Variants in PHKA1 observed in about 807,000 individuals in gnomAD.
PHKA1 encodes the protein phosphorylase kinase regulatory subunit alpha 1, also known as phosphorylase b kinase regulatory subunit alpha, skeletal muscle isoform.
A neutral mutation model predicts 110.2 loss-of-function variants in PHKA1; 60 were observed. That is an observed-to-expected ratio of 0.54 (90% confidence interval 0.44 to 0.68). PHKA1 has a LOEUF of 0.68. PHKA1 is among the 30% of genes least tolerant of loss of function. The pLI, the probability that PHKA1 is intolerant of heterozygous loss-of-function variation, is 0.00. For missense variants in PHKA1, 801 were observed against 942.5 expected, an observed-to-expected ratio of 0.85 and a Z score of 1.97; for synonymous variants, 316 against 333.6, an observed-to-expected ratio of 0.95 and a Z score of 0.58.
chrX:72,701,132 G>A (rs782450022), intron 3 of PHKA1, among the ~76,000 whole-genome samples: 2 of 112,226 alleles, frequency 1.8e-5, no homozygotes, highest in African/African-American at 3.2e-5. Context: ...CATTTGTAAC[G>A]GGACACAGTT....
At chrX:72,686,534 G>C (rs1008406226) in intron 4 of PHKA1, among the ~76,000 whole-genome samples, 6 of 112,030 alleles carry the variant, frequency 5.4e-5, no homozygotes, top group Non-Finnish European at 1.1e-4. Context: ...CCTACGGAAG[G>C]ACATTTCGGT....
At chrX:72,590,857 A>G (rs962678244) in intron 29 of PHKA1, among the ~76,000 whole-genome samples, 2 of 112,348 alleles carry the variant, frequency 1.8e-5, no homozygotes, top group Non-Finnish European at 3.8e-5. Flanking sequence ...CAAAACCACA[A>G]TGAGATACCA....
At chrX:72,641,981 A>C (rs1392825980) in intron 14 of PHKA1, among the ~76,000 whole-genome samples, 1 of 111,985 alleles carries the variant, frequency 8.9e-6, no homozygotes, top group Non-Finnish European at 1.9e-5. Context: ...TATGTCTTCC[A>C]TAGCATCTAG....
chrX:72,647,751 T>C (rs1207772969), intron 13 of PHKA1, among the ~76,000 whole-genome samples: 1 of 110,330 alleles, frequency 9.1e-6, no homozygotes, highest in Non-Finnish European at 1.9e-5. Context: ...AAGGTTGGAA[T>C]AGGAGGAGGC....
intron 4 of PHKA1, among the ~76,000 whole-genome samples, chrX:72,693,641 C>T (rs1556324290): frequency 1.8e-5 from 2 of 112,064 alleles, no homozygotes; most frequent in African/African-American, 6.5e-5. Context: ...TAATCAGGGC[C>T]TAGCATTCTC....
At chrX:72,684,256 T>C (rs1556318031) in intron 5 of PHKA1, among the ~76,000 whole-genome samples, 1 of 111,576 alleles carries the variant, frequency 9.0e-6, no homozygotes. Context: ...TACCATGAGA[T>C]ATCACAGAGT....
At chrX:72,675,705 T>C (rs2053771474) in intron 6 of PHKA1, among the ~76,000 whole-genome samples, 2 of 110,648 alleles carry the variant, frequency 1.8e-5, no homozygotes, top group African/African-American at 6.6e-5. Flanking sequence ...ATAAAGAGGA[T>C]AGAGGATTGA....
chrX:72,592,609 GT>G (rs1310004508), intron 29 of PHKA1, among the ~76,000 whole-genome samples: 1 of 112,360 alleles, frequency 8.9e-6, no homozygotes, highest in Non-Finnish European at 1.9e-5. Flanking sequence ...TTATTTAGTA[GT>G]TTTCATCCAA....
Position 72,666,253 on chromosome X carries a change from C to G in PHKA1, c.762G>C (p.Glu254Asp). ...SLLPRASTSK[E>D]VDASLLSVVS... is the part of the protein sequence containing the mutation. ...CCACTGAGAGTAGACTAGCATCAAC[C>G]TCTTTTGATGTTGAAGCACGGGGCA... The change falls in exon 8 of 32, where the codon GAG becomes GAC. Residue 254 changes from glutamate to aspartate, a missense_variant. Transcript: ENST00000373542. 2 of 1,208,174 alleles carry G rather than the reference C, an allele frequency of 1.7e-6. No homozygotes were observed. The highest frequency in any genetic ancestry group is 2.2e-6 in the Non-Finnish European group (2 of 892,290).
chrX:72,603,761 C>T lies in PHKA1; in HGVS notation c.2816-541G>A, dbSNP rs139438354. Among the ~76,000 whole-genome samples, 248 of 110,982 alleles carry T rather than the reference C, an allele frequency of 2.2e-3. 1 individual carries two copies. Among genetic ancestry groups the T allele is most frequent in the Non-Finnish European group, 3.8e-3 (199 of 52,925 alleles). On this transcript the variant is annotated intron_variant, in intron 25 of 31. Transcript: ENST00000373542. ...GTAACATTTGTGCAAGCAGGTATGA[C>T]GACATGATACCTAATCTTGAGTCTG...
chrX:72,611,265 A>G, intron 21 of PHKA1, 81 bp from the exon 22 acceptor site: 1 of 791,399 alleles, frequency 1.3e-6, no homozygotes, highest in Non-Finnish European at 1.9e-6. Flanking sequence ...TATAATGAAC[A>G]TGCCTGTTTT....
chrX:72,593,918 A>G (rs781845074), intron 28 of PHKA1, among the ~76,000 whole-genome samples: 34 of 112,290 alleles, frequency 3.0e-4, no homozygotes, highest in Non-Finnish European at 5.8e-4. Context: ...TGTTGCCCTC[A>G]TGGGCCATAA....
chrX:72,644,535 T>G, intron 13 of PHKA1, 39 bp from the exon 14 acceptor site: 1 of 1,129,356 alleles, frequency 8.9e-7, no homozygotes, highest in Non-Finnish European at 1.2e-6. Context: ...CAGAAAATTT[T>G]ATTTCAATAG....
chrX:72,681,486 G>C (rs1208236686), intron 5 of PHKA1, among the ~76,000 whole-genome samples: 15 of 96,490 alleles, frequency 1.6e-4, no homozygotes, highest in African/African-American at 5.3e-4. Context: ...TGCCATCCGG[G>C]AGGGAGGTGG....
At chrX:72,589,993 T>C (rs1189820036) in intron 29 of PHKA1, among the ~76,000 whole-genome samples, 4 of 111,325 alleles carry the variant, frequency 3.6e-5, no homozygotes, top group Non-Finnish European at 7.5e-5. Context: ...AAAATGGCCA[T>C]ACTGCTCAAG....
At position 72,667,490 on chromosome X, in the gene PHKA1, A is replaced by T; in HGVS notation, c.619-17T>A. ...CAGGGCTGCCTGTGAGGAACAAGAAAGAAATGGACAAGTTTAGCATTAGAA... is the reference window on the plus strand; with the variant it reads ...CAGGGCTGCCTGTGAGGAACAAGAATGAAATGGACAAGTTTAGCATTAGAA... On this transcript the variant is annotated splice_polypyrimidine_tract_variant and intron_variant, in intron 6 of 31. Coordinates refer to ENST00000373542, the MANE Select transcript of PHKA1 (RefSeq NM_002637.4). 2 of 1,128,779 alleles carry T rather than the reference A, an allele frequency of 1.8e-6. No homozygotes were observed. Among genetic ancestry groups the T allele is most frequent in the African/African-American group, 1.8e-5 (1 of 56,482 alleles). The allele number at this position is 1,128,779 out of a possible 1,213,427, so 93.0% of individuals were successfully genotyped here.
intron 8 of PHKA1, among the ~76,000 whole-genome samples, chrX:72,660,260 C>A (rs1556303442): frequency 9.0e-6 from 1 of 111,646 alleles, no homozygotes; most frequent in African/African-American, 3.3e-5. Flanking sequence ...CATAGAGAAC[C>A]ATTCCATCAC....
chrX:72,594,936 C>A (rs2052569947), intron 28 of PHKA1, among the ~76,000 whole-genome samples: 1 of 112,188 alleles, frequency 8.9e-6, no homozygotes, highest in Non-Finnish European at 1.9e-5. Flanking sequence ...GAACACTTCC[C>A]AAGTCATTCT....
intron 4 of PHKA1, among the ~76,000 whole-genome samples, chrX:72,686,452 T>C (rs1170780743): frequency 8.9e-6 from 1 of 112,416 alleles, no homozygotes; most frequent in African/African-American, 3.2e-5. Context: ...GGAGATAATT[T>C]CAAATACATC....
Sources: allele counts gnomAD v4.1 joint callset (sites outside exome capture counted in the v4.1 genomes callset), GRCh38; gene constraint gnomAD v4.1.1; transcripts MANE v1.5; gene names NCBI Gene and HGNC (gene_info 2026-07-23, HGNC 2026-07-21).